TRANK1: variants seen among roughly 807,000 people sequenced by gnomAD.
The protein encoded by TRANK1 is tetratricopeptide repeat and ankyrin repeat containing 1, also known as TPR and ankyrin repeat-containing protein 1.
TRANK1 carries 198 observed loss-of-function variants against 266.0 expected under a neutral mutation model. That is an observed-to-expected ratio of 0.74 (90% CI 0.66 to 0.84). TRANK1 has a LOEUF of 0.84. Ranked by LOEUF, TRANK1 falls within the 40% of genes least tolerant of loss-of-function variation. The pLI, the probability that TRANK1 is intolerant of heterozygous loss-of-function variation, is 0.00. For missense variants in TRANK1, 3,326 were observed against 3,634.6 expected, an observed-to-expected ratio of 0.92 and a Z score of 2.18; for synonymous variants, 1,396 against 1,384.1, an observed-to-expected ratio of 1.01 and a Z score of -0.19.
chr3:36,927,675 G>A (rs1344348269), intron 1 of TRANK1, among the ~76,000 whole-genome samples: 1 of 152,158 alleles, frequency 6.6e-6, no homozygotes, highest in Non-Finnish European at 1.5e-5. Context: ...CCCAGTGGTC[G>A]CTCACCCCCA....
chr3:36,944,607 C>A (rs955941506), intron 1 of TRANK1, among the ~76,000 whole-genome samples, 180 bp downstream of exon 1: 3 of 152,168 alleles, frequency 2.0e-5, no homozygotes, highest in Non-Finnish European at 4.4e-5. Flanking sequence ...CGCGACCGAC[C>A]CCGCGCAACT....
rs892710068 is a variant in TRANK1, at chr3:36,831,956, C to T, written c.7627G>A (p.Val2543Ile). ...LCGYENVNFN[V>I]LLDAFSEIDY... ...ATTTCACTGAAGGCATCAAGCAGGA[C>T]GTTGAAGTTCACATTCTCATAGCCA... is the stretch of plus-strand genomic sequence containing the variant. Residue 2543 changes from valine to isoleucine, a missense_variant, in exon 22 of 24, where the codon GTC becomes ATC. Physicochemically the swap from Val to Ile is conservative, Grantham distance 29 (BLOSUM62 3). Transcript: ENST00000645898. This position sits in a 1 kb window ranked among gnomAD's most constrained non-coding sequence, Gnocchi z 5.0. 1.9e-5 allele frequency: 30 copies of T among 1,613,922 alleles called. No homozygotes were observed. The highest frequency in any genetic ancestry group is 2.5e-5 in the Non-Finnish European group (30 of 1,179,916).
intron 1 of TRANK1, among the ~76,000 whole-genome samples, chr3:36,926,696 T>C (rs539046104): frequency 3.9e-5 from 6 of 152,348 alleles, no homozygotes; most frequent in Admixed American, 3.9e-4. Flanking sequence ...GTTCACTGTG[T>C]ACCTCTGCAG....
chr3:36,901,343 C>A (rs1490458032), intron 3 of TRANK1, among the ~76,000 whole-genome samples: 3 of 152,118 alleles, frequency 2.0e-5, no homozygotes, highest in Non-Finnish European at 2.9e-5. Context: ...AATTGAGCAC[C>A]AAGACTGGCC....
At chr3:36,886,630 T>C (rs1173520355) in intron 8 of TRANK1, among the ~76,000 whole-genome samples, 2 of 151,790 alleles carry the variant, frequency 1.3e-5, no homozygotes, top group Admixed American at 6.6e-5. Flanking sequence ...AAGAGAAAAA[T>C]GGCCTGGCAC....
intron 8 of TRANK1, among the ~76,000 whole-genome samples, chr3:36,880,880 T>TCCCTCCC (rs1382311265): frequency 7.7e-6 from 1 of 130,422 alleles, no homozygotes; most frequent in Non-Finnish European, 1.6e-5. Context: ...CCTAATGCTA[T>TCCCTCCC]CCCTCCCCCC....
intron 18 of TRANK1, among the ~76,000 whole-genome samples, chr3:36,840,445 G>A (rs892239202): frequency 6.9e-6 from 1 of 145,884 alleles, no homozygotes; most frequent in African/African-American, 2.6e-5. Context: ...CATTGCCAGG[G>A]TGGCCACAGT....
rs1202133726 is a variant in TRANK1, at chr3:36,826,872, T to C, written c.*1403A>G. ...ATGTGATAATACAGCAAGATATTGT[T>C]GGGGTTTTCTTTTTTTCTGTCAAGT... On this transcript the variant is annotated 3_prime_UTR_variant, in exon 24 of 24. Coordinates refer to ENST00000645898, the MANE Select transcript of TRANK1 (RefSeq NM_001329998.2). 5 of 152,156 alleles carry C rather than the reference T, an allele frequency of 3.3e-5. No homozygotes were observed. Among genetic ancestry groups the C allele is most frequent in the Admixed American group, 3.3e-4 (5 of 15,274 alleles). The allele number at this position is 152,156 out of a possible 1,614,324, so 9.4% of individuals were successfully genotyped here.
At chr3:36,903,013 G>C (rs755022183) in intron 3 of TRANK1, 136 bp downstream of exon 3, 48 of 1,150,520 alleles carry the variant, frequency 4.2e-5, no homozygotes, top group Middle Eastern at 6.1e-4. Flanking sequence ...GAAAGAGGCA[G>C]GCTAAAAGGA....
chr3:36,940,321 C>A (rs1467726448), intron 1 of TRANK1, among the ~76,000 whole-genome samples: 2 of 151,264 alleles, frequency 1.3e-5, no homozygotes, highest in African/African-American at 4.8e-5. Flanking sequence ...CATGGTGAAA[C>A]CCTGTCTTTA....
intron 1 of TRANK1, among the ~76,000 whole-genome samples, chr3:36,924,755 G>A (rs961780222): frequency 6.6e-6 from 1 of 152,050 alleles, no homozygotes; most frequent in Non-Finnish European, 1.5e-5. Flanking sequence ...CCACTAAAAG[G>A]CAAAGCACCT....
chr3:36,855,800 C>T lies in TRANK1; in HGVS notation c.3922G>A (p.Val1308Ile), dbSNP rs1232937632. Residue 1308 changes from valine (V) to isoleucine (I), a missense_variant, in exon 13 of 24, where the codon GTA (valine) becomes ATA (isoleucine). Physicochemically the swap from Val to Ile is conservative, Grantham distance 29. Transcript: ENST00000645898. The part of the protein sequence containing the change: ...DGDYSEEDKA[V>I]EMRTGDSDPR... ...TCACTGTCACCCGTACGCATTTCTA[C>T]AGCTTTATCCTCCTCACTGTAGTCC... The T allele has an allele frequency of 1.2e-6, 2 of 1,613,778 alleles. No homozygotes were observed. The highest frequency in any genetic ancestry group is 1.1e-5 in the South Asian group (1 of 91,074).
At chr3:36,908,111 G>A (rs2080000047) in intron 2 of TRANK1, among the ~76,000 whole-genome samples, 1 of 152,182 alleles carries the variant, frequency 6.6e-6, no homozygotes, top group Non-Finnish European at 1.5e-5. Context: ...GTTTTGTTAT[G>A]TTTATCAACA....
chr3:36,942,208 A>C (rs2080505723), intron 1 of TRANK1, among the ~76,000 whole-genome samples: 1 of 152,218 alleles, frequency 6.6e-6, no homozygotes, highest in Admixed American at 6.5e-5. Context: ...TAGAAGTTTA[A>C]TATTTCCACA....
chr3:36,834,889 A>G lies in TRANK1; in HGVS notation c.5536T>C (p.Phe1846Leu). Residue 1846 changes from phenylalanine (F) to leucine (L), a missense_variant, in exon 21 of 24, where the codon TTC (phenylalanine) becomes CTC (leucine). Phe to Leu is a conservative substitution (Grantham distance 22). Transcript: ENST00000645898. ...TTGTAGCACTGGCTTCGCTTATAGA[A>G]ATAGGCAGCATCTCTTATCTAGGAT... is the stretch of plus-strand genomic sequence containing the variant. ...RLGKIRDAAY[F>L]YKRSQCYKDA... 6.2e-7 allele frequency: 1 copy of G among 1,611,474 alleles called. No individual in the cohort carries two copies. Among genetic ancestry groups the G allele is most frequent in the Non-Finnish European group, 8.5e-7 (1 of 1,179,186 alleles).
chr3:36,872,213 C>T (rs562602720), intron 9 of TRANK1, among the ~76,000 whole-genome samples: 2 of 152,242 alleles, frequency 1.3e-5, no homozygotes, highest in East Asian at 1.9e-4. Flanking sequence ...TCAGCCTGGC[C>T]AACATGATGA....
intron 1 of TRANK1, among the ~76,000 whole-genome samples, chr3:36,930,597 G>A (rs1023311701): frequency 3.3e-5 from 5 of 152,144 alleles, no homozygotes; most frequent in Non-Finnish European, 7.4e-5. Flanking sequence ...AAAAGTCAGT[G>A]TGAAAATGAT....
At chr3:36,938,756 C>A (rs533675524) in intron 1 of TRANK1, among the ~76,000 whole-genome samples, 1 of 152,008 alleles carries the variant, frequency 6.6e-6, no homozygotes, top group Admixed American at 6.5e-5. Flanking sequence ...CTCAGCAGTT[C>A]GAGACCAGCC....
intron 8 of TRANK1, among the ~76,000 whole-genome samples, chr3:36,888,522 C>T (rs2079640151): frequency 6.6e-6 from 1 of 152,188 alleles, no homozygotes; most frequent in Admixed American, 6.5e-5. Flanking sequence ...CCATAGACCC[C>T]TTCTCCTTTG....
Sources: gnomAD v4.1 joint callset for allele counts (sites outside exome capture counted in the v4.1 genomes callset) on GRCh38, gnomAD v4.1.1 for gene constraint, Gnocchi (gnomAD v3.1) non-coding constraint, MANE v1.5 for transcripts, NCBI Gene and HGNC (gene_info 2026-07-23, HGNC 2026-07-21) for gene names.